PSMD6: variants seen among roughly 807,000 people sequenced by gnomAD.
PSMD6 encodes 26S proteasome non-ATPase regulatory subunit 6.
PSMD6 carries 7 observed loss-of-function variants against 44.9 expected under a neutral mutation model. The ratio of observed to expected loss-of-function variants is 0.16; its 90% CI spans 0.09 to 0.29. The LOEUF is 0.29. PSMD6 is among the 10% of genes least tolerant of loss of function. PSMD6 has a pLI of 1.00. For synonymous variants in PSMD6, 184 were observed against 172.7 expected, an observed-to-expected ratio of 1.07 and a Z score of -0.51; for missense variants, 420 against 482.6, an observed-to-expected ratio of 0.87 and a Z score of 1.21.
Position 64,018,923 on chromosome 3 carries a change from A to T in PSMD6, c.612T>A (p.Thr204=), listed in dbSNP as rs2076089833. Residue 204 remains threonine, a synonymous_variant, in exon 4 of 8, where the codon ACT becomes ACA. Transcript: ENST00000295901. ...FKQAAELFLD[T]VSTFTSYELM... The stretch of plus-strand genomic sequence containing the variant: ...GTTCATAGGATGTAAATGTTGAAAC[A>T]GTGTCAAGGAAGAGTTCAGCTGCCT... The T allele has an allele frequency of 1.9e-6, 3 of 1,599,998 alleles. No homozygotes were observed. Among genetic ancestry groups the T allele is most frequent in the Non-Finnish European group, 2.6e-6 (3 of 1,167,250 alleles).
chr3:64,023,149 C>T, intron 1 of PSMD6, 126 bp downstream of exon 1: 2 of 1,425,776 alleles, frequency 1.4e-6, no homozygotes, highest in Non-Finnish European at 1.8e-6. Flanking sequence ...GCCGGAGAAG[C>T]CAGGCCTGGT....
chr3:64,013,800 C>A (rs149171346), intron 5 of PSMD6, 193 bp from the exon 6 acceptor site: 61 of 425,758 alleles, frequency 1.4e-4, no homozygotes, highest in Non-Finnish European at 1.7e-4. Context: ...ATGCAAACAT[C>A]GTCTTCAAGT....
At chr3:64,023,184 T>C in intron 1 of PSMD6, 91 bp downstream of exon 1, 1 of 1,459,686 alleles carries the variant, frequency 6.9e-7, no homozygotes, top group Non-Finnish European at 9.0e-7. Flanking sequence ...CAGAGGGGTC[T>C]GGAGCTCCAT....
intron 5 of PSMD6, 115 bp downstream of exon 5, chr3:64,018,484 C>T: frequency 1.4e-6 from 1 of 725,920 alleles, no homozygotes; most frequent in Non-Finnish European, 2.3e-6. Context: ...CAAAGACATG[C>T]AGCTACCTAC....
intron 5 of PSMD6, chr3:64,014,702 G>A (rs1307049036): frequency 6.6e-6 from 1 of 152,182 alleles, no homozygotes. Context: ...TTTAGTGTTG[G>A]GGGTGAGGGT....
In PSMD6 at chr3:64,023,353, G is replaced by A. The variant is rs749793073; in HGVS notation, c.67C>T (p.Arg23Cys). 5.6e-6 allele frequency: 9 copies of A among 1,610,854 alleles called. No homozygotes were observed. The Admixed American group carries it at 1.3e-4, about 24-fold the overall frequency. ...KNPDLRIAQL[R>C]FLLSLPEHRG... ...TGCTCGGGCAGGCTGAGCAGGAAGC[G>A]CAGCTGCGCGATACGCAAGTCGGGG... The change falls in exon 1 of 8, where the codon CGC becomes TGC. Residue 23 changes from arginine to cysteine, a missense_variant. This residue lies in a region of PSMD6 where 136 missense variants were observed against 124.2 expected (regional missense o/e 1.09). Transcript: ENST00000295901.
chr3:64,019,724 G>A (rs2106868541), intron 2 of PSMD6: 1 of 329,500 alleles, frequency 3.0e-6, no homozygotes, highest in East Asian at 5.6e-5. Flanking sequence ...CAATTGTTAA[G>A]TATTTTTCTC....
chr3:64,023,181 G>T (rs745576879), intron 1 of PSMD6, 94 bp downstream of exon 1: 43 of 1,456,696 alleles, frequency 3.0e-5, no homozygotes, highest in Non-Finnish European at 3.9e-5. Context: ...CGTCAGAGGG[G>T]TCTGGAGCTC....
intron 2 of PSMD6, among the ~76,000 whole-genome samples, chr3:64,020,738 A>T (rs2076115637): frequency 6.6e-6 from 1 of 152,228 alleles, no homozygotes; most frequent in Non-Finnish European, 1.5e-5. Context: ...ATCCACATTA[A>T]GTAAAAACTA....
upstream of PSMD6, chr3:64,023,963 T>C (rs2076176884): frequency 9.0e-6 from 6 of 669,086 alleles, no homozygotes; most frequent in African/African-American, 1.8e-5. Context: ...TCGCAAGGCC[T>C]AAATGAAAAC....
At position 64,022,310 on chromosome 3, in the gene PSMD6, C is replaced by T; in HGVS notation, c.351+8G>A. 1 of 1,614,082 alleles carries T rather than the reference C, an allele frequency of 6.2e-7. No homozygotes were observed. Among genetic ancestry groups the T allele is most frequent in the Middle Eastern group, 1.7e-4 (1 of 6,060 alleles). ...TAACTACAGAGAGGGAAAACCATCT[C>T]TACTCACTTTGTCACCTATCCGGCA... On this transcript the variant is annotated splice_region_variant and intron_variant, in intron 2 of 7. Transcript: ENST00000295901.
At chr3:64,020,698 G>A (rs767757112) in intron 2 of PSMD6, among the ~76,000 whole-genome samples, 1 of 152,132 alleles carries the variant, frequency 6.6e-6, no homozygotes, top group East Asian at 1.9e-4. Flanking sequence ...CTATGTGCTA[G>A]GTACCAGTCT....
intron 7 of PSMD6, 27 bp downstream of exon 7, chr3:64,010,851 G>C (rs376618605): frequency 1.3e-6 from 2 of 1,582,386 alleles, no homozygotes; most frequent in Middle Eastern, 1.7e-4. Flanking sequence ...ATTTAGGAAT[G>C]CCCCTTATTC....
chr3:64,023,437 C>G lies in PSMD6; in HGVS notation c.-18G>C. On this transcript the variant is annotated 5_prime_UTR_variant, in exon 1 of 8. Coordinates refer to ENST00000295901, the MANE Select transcript of PSMD6 (RefSeq NM_014814.3). ...AGCGGCATCGCGGCGAAGGGGACAG[C>G]GGCTGACAGGACACAACTTGGTTAC... is the stretch of plus-strand genomic sequence containing the variant. 6.3e-7 allele frequency: 1 copy of G among 1,585,006 alleles called. No homozygotes were observed. The highest frequency in any genetic ancestry group is 8.6e-7 in the Non-Finnish European group (1 of 1,161,662).
intron 5 of PSMD6, chr3:64,015,360 T>C (rs1402683794): frequency 6.6e-6 from 1 of 152,224 alleles, no homozygotes; most frequent in African/African-American, 2.4e-5. Context: ...AGATAAATTG[T>C]TGGAGTGTTC....
At position 64,013,129 on chromosome 3, in the gene PSMD6, G is replaced by A. The variant is rs41276487; in HGVS notation, c.995+310C>T. Reference sequence around the variant, plus strand: ...AATATCAGATCTAAGAGTCATTACCGTAGCTGCAGTGTGGTCTACAAAGAA... The same window carrying A: ...AATATCAGATCTAAGAGTCATTACCATAGCTGCAGTGTGGTCTACAAAGAA... On this transcript the variant is annotated intron_variant, in intron 6 of 7. Transcript: ENST00000295901. 6.2e-3 allele frequency: 1,369 copies of A among 220,128 alleles called. 10 individuals carry two copies. The highest frequency in any genetic ancestry group is 7.3e-3 in the Non-Finnish European group (824 of 113,098). The allele number at this position is 220,128 out of a possible 1,614,324, so 13.6% of individuals were successfully genotyped here.
chr3:64,010,773 A>G lies in PSMD6; in HGVS notation c.1074-9T>C. On this transcript the variant is annotated splice_polypyrimidine_tract_variant and intron_variant, in intron 7 of 7. Transcript: ENST00000295901. Reference sequence around the variant, plus strand: ...AGTTCTTGCTATCAGGTCTATAAATAAATTCAAGAAAAAATGAATTATTTA... The same window carrying G: ...AGTTCTTGCTATCAGGTCTATAAATGAATTCAAGAAAAAATGAATTATTTA... 1 of 1,592,938 alleles carries G rather than the reference A, an allele frequency of 6.3e-7. No individual in the cohort carries two copies. Among genetic ancestry groups the G allele is most frequent in the Non-Finnish European group, 8.6e-7 (1 of 1,163,966 alleles).
Position 64,010,665 on chromosome 3 carries a change from G to A in PSMD6, c.*3C>T, listed in dbSNP as rs1242190372. ...AAGCAAATCCTTTGTTAGTTACATG[G>A]CTTTACATATTAATTACTCTGGAAA... On this transcript the variant is annotated 3_prime_UTR_variant, in exon 8 of 8. Coordinates refer to ENST00000295901, the MANE Select transcript of PSMD6 (RefSeq NM_014814.3). The A allele has an allele frequency of 1.3e-6, 2 of 1,567,026 alleles. No individual in the cohort carries two copies. Among genetic ancestry groups the A allele is most frequent in the Non-Finnish European group, 8.8e-7 (1 of 1,142,044 alleles).
At position 64,017,265 on chromosome 3, in the gene PSMD6, T is replaced by A. The variant is rs151038442; in HGVS notation, c.826+1334A>T. 225 of 152,302 alleles carry A rather than the reference T, an allele frequency of 1.5e-3. 1 individual carries two copies. The highest frequency in any genetic ancestry group is 5.0e-3 in the African/African-American group (209 of 41,570). 9.4% of individuals were successfully genotyped at this position (152,302 alleles called of 1,614,324 possible). ...GCCAATATATGAAAAAGCACTGAAT[T>A]GTACACTTGAGGTAATTTTATGGTG... On this transcript the variant is annotated intron_variant, in intron 5 of 7. Coordinates refer to ENST00000295901, the MANE Select transcript of PSMD6 (RefSeq NM_014814.3).
Sources: gnomAD v4.1 joint callset for allele counts (sites outside exome capture counted in the v4.1 genomes callset) on GRCh38, gnomAD v4.1.1 for gene constraint, gnomAD v4.1.1 regional missense constraint, MANE v1.5 for transcripts, NCBI Gene and HGNC (gene_info 2026-07-23, HGNC 2026-07-21) for gene names.